The following UCKL1 variants were observed in gnomAD, a reference collection of about 807,000 sequenced individuals.
The protein encoded by UCKL1 is uridine-cytidine kinase 1 like 1.
In UCKL1, 65 loss-of-function variants were observed where a neutral mutation model predicts 59.2. The observed-to-expected ratio is 1.10, with a 90% CI of 0.90 to 1.35. UCKL1 has a LOEUF of 1.35. Ranked by LOEUF, UCKL1 falls within the 40% of genes most tolerant of loss-of-function variation. The pLI is 0.00. For synonymous variants in UCKL1, 410 were observed against 323.1 expected (o/e 1.27, Z -2.88); for missense variants, 703 against 784.3 (o/e 0.90, Z 1.24).
intron 1 of UCKL1, chr20:63,951,315 CT>C (rs2057550990): frequency 1.7e-6 from 1 of 583,630 alleles, no homozygotes; most frequent in Non-Finnish European, 2.2e-6. Context: ...TTCGGCCAGC[CT>C]AGGACCGCAG....
chr20:63,950,626 C>G, intron 1 of UCKL1: 1 of 1,077,234 alleles, frequency 9.3e-7, no homozygotes, highest in South Asian at 2.2e-5. Context: ...GGGCTCTGCC[C>G]GGTGCCCGAG....
intron 11 of UCKL1, 23 bp from the exon 12 acceptor site, chr20:63,940,739 G>A (rs1201347381): frequency 3.1e-6 from 5 of 1,606,518 alleles, no homozygotes; most frequent in East Asian, 2.2e-5. Flanking sequence ...GAGGCTAAGC[G>A]CCCACATCCC....
chr20:63,940,932 G>C lies in UCKL1; in HGVS notation c.1116+18C>G. 1 of 1,518,844 alleles carries C rather than the reference G, an allele frequency of 6.6e-7. No homozygotes were observed. The highest frequency in any genetic ancestry group is 8.8e-7 in the Non-Finnish European group (1 of 1,132,730). The allele number at this position is 1,518,844 out of a possible 1,614,324, so 94.1% of individuals were successfully genotyped here. Reference sequence around the variant, plus strand: ...CTCCAAGACCCACCCTCCACCTCGCGGGCTACGGGCTACGAACCTGAAAGG... The same window carrying C: ...CTCCAAGACCCACCCTCCACCTCGCCGGCTACGGGCTACGAACCTGAAAGG... On this transcript the variant is annotated intron_variant, in intron 10 of 14. Transcript: ENST00000354216.
chr20:63,946,687 C>T lies in UCKL1; in HGVS notation c.114-44G>A, dbSNP rs578142197. 15 of 1,578,766 alleles carry T rather than the reference C, an allele frequency of 9.5e-6. No homozygotes were observed. The Admixed American group carries it at 2.3e-4, about 24-fold the overall frequency. ...TCGGATGTGGCCCAGAGCTGCCCAC[C>T]TCCCAGGTACCCGCTGGCATGGCCG... On this transcript the variant is annotated intron_variant, in intron 1 of 14. Transcript: ENST00000354216.
At chr20:63,945,548 C>A in intron 5 of UCKL1, 103 bp downstream of exon 5, 1 of 1,231,092 alleles carries the variant, frequency 8.1e-7, no homozygotes, top group Non-Finnish European at 1.2e-6. Flanking sequence ...TAGGCCTATA[C>A]AGTGTGGAGG....
At chr20:63,947,878 C>T (rs1345196388) in intron 1 of UCKL1, among the ~76,000 whole-genome samples, 1 of 152,256 alleles carries the variant, frequency 6.6e-6, no homozygotes, top group Non-Finnish European at 1.5e-5. Context: ...CACTCAGGCG[C>T]CTGCCAACTT....
At chr20:63,944,844 A>G in intron 5 of UCKL1, 110 bp from the exon 6 acceptor site, 1 of 1,368,386 alleles carries the variant, frequency 7.3e-7, no homozygotes, top group South Asian at 1.4e-5. Flanking sequence ...GGCCAGAGCC[A>G]CTTCCCCAGG....
At chr20:63,947,519 A>G (rs1028363894) in intron 1 of UCKL1, among the ~76,000 whole-genome samples, 3 of 152,216 alleles carry the variant, frequency 2.0e-5, no homozygotes, top group Non-Finnish European at 4.4e-5. Flanking sequence ...GGGCTCAGGG[A>G]GAGAGGCAGA....
chr20:63,943,858 T>TGGGGCAATCAGAGCCAGGACCC (rs1303083077), intron 7 of UCKL1, among the ~76,000 whole-genome samples, 189 bp from the exon 8 acceptor site: 1 of 152,190 alleles, frequency 6.6e-6, no homozygotes, highest in East Asian at 1.9e-4. Context: ...AGTTCTGCGT[T>TGGGGCAATCAGAGCCAGGACCC]GGGGCAATCA....
At chr20:63,956,156 TG>T (rs1280738496) in intron 1 of UCKL1, 103 bp downstream of exon 1, 4 of 1,071,774 alleles carry the variant, frequency 3.7e-6, no homozygotes, top group Middle Eastern at 3.2e-4. Context: ...CCTCCGGGAG[TG>T]GGGGACTTGG....
intron 7 of UCKL1, among the ~76,000 whole-genome samples, chr20:63,944,021 CCT>C (rs1020468803): frequency 8.5e-5 from 13 of 152,298 alleles, no homozygotes; most frequent in Admixed American, 6.5e-4. Flanking sequence ...GGGGTGACCC[CCT>C]GAGAAAGAGA....
intron 7 of UCKL1, among the ~76,000 whole-genome samples, chr20:63,944,120 G>A (rs1024002371): frequency 2.6e-5 from 4 of 152,238 alleles, no homozygotes; most frequent in African/African-American, 7.2e-5. Flanking sequence ...AGCTCAGGCT[G>A]GGTGTGCTGA....
chr20:63,956,307 G>T lies in UCKL1; in HGVS notation c.66C>A (p.Asp22Glu). The T allele has an allele frequency of 1.3e-6, 2 of 1,558,586 alleles. No homozygotes were observed. Among genetic ancestry groups the T allele is most frequent in the Non-Finnish European group, 1.7e-6 (2 of 1,156,574 alleles). Residue 22 changes from aspartate (D) to glutamate (E), a missense_variant, in exon 1 of 15, where the codon GAC (aspartate) becomes GAA (glutamate). Asp to Glu is a conservative substitution (Grantham distance 45). This residue lies in a region of UCKL1 where 398 missense variants were observed against 373.0 expected (regional missense o/e 1.07). Coordinates refer to ENST00000354216, the MANE Select transcript of UCKL1 (RefSeq NM_017859.4). Reference protein sequence around the residue: ...PSPTSPPTARDTPGRQAEKSE... With the variant: ...PSPTSPPTARETPGRQAEKSE... ...TTTTCTCAGCCTGCCGGCCTGGTGT[G>T]TCTCGGGCCGTAGGTGGCGACGTGG...
intron 2 of UCKL1, 69 bp from the exon 3 acceptor site, chr20:63,946,336 G>A (rs1227577729): frequency 2.6e-6 from 4 of 1,534,176 alleles, no homozygotes; most frequent in Non-Finnish European, 3.5e-6. Context: ...TCCCAGAGGT[G>A]CCCATCCCGC....
rs1247825945 is a variant in UCKL1 at position 63,939,992 on chromosome 20, A to T, written c.1631T>A (p.Val544Glu). 26 of 1,560,534 alleles carry T rather than the reference A, an allele frequency of 1.7e-5. No individual in the cohort carries two copies. Among genetic ancestry groups the T allele is most frequent in the Non-Finnish European group, 2.3e-5 (26 of 1,149,942 alleles). The change falls in exon 15 of 15, where the codon GTG (valine) becomes GAG (glutamate). Residue 544 changes from valine to glutamate, a missense_variant. Around this residue, in one of 4 missense-constraint regions of UCKL1, gnomAD observed 124 missense variants for 161.1 expected, o/e 0.77. Transcript: ENST00000354216. Reference protein sequence around the residue: ...AVPDGSDEEEVAYTG With the variant: ...AVPDGSDEEEEAYTG ...ACTGGGCAGCTAACCCGTGTAGGCC[A>T]CTTCCTCCTCGTCACTGCCATCGGG...
rs1287131136 is a variant in UCKL1, at chr20:63,940,513, G to A, written c.1303-28C>T. ...GCGGGCAGCAGGGGTCAGGCTGCAG[G>A]TGGGGCTCCCTGCGTCCCCTTGCTG... On this transcript the variant is annotated intron_variant, in intron 12 of 14. Coordinates refer to ENST00000354216, the MANE Select transcript of UCKL1 (RefSeq NM_017859.4). The A allele has an allele frequency of 3.1e-6, 5 of 1,606,656 alleles. No homozygotes were observed. The African/African-American group carries it at 4.0e-5, about 13-fold the overall frequency.
intron 1 of UCKL1, among the ~76,000 whole-genome samples, chr20:63,947,248 C>T (rs971911269): frequency 1.3e-5 from 2 of 152,232 alleles, no homozygotes; most frequent in African/African-American, 2.4e-5. Flanking sequence ...GGGCCATGCT[C>T]ATCCTGCTGT....
At chr20:63,951,590 C>T (rs1022601542) in intron 1 of UCKL1, among the ~76,000 whole-genome samples, 2 of 152,214 alleles carry the variant, frequency 1.3e-5, no homozygotes, top group Admixed American at 6.5e-5. Flanking sequence ...CCTTGCCCTA[C>T]CCCCACTCAC....
chr20:63,953,500 A>G (rs2058026736), intron 1 of UCKL1: 1 of 152,192 alleles, frequency 6.6e-6, no homozygotes, highest in Non-Finnish European at 1.5e-5. Flanking sequence ...CAGGAGTTCA[A>G]GACCAGCCTG....
Sources: gnomAD v4.1 joint callset for allele counts (sites outside exome capture counted in the v4.1 genomes callset) on GRCh38, gnomAD v4.1.1 for gene constraint, gnomAD v4.1.1 regional missense constraint, MANE v1.5 for transcripts, NCBI Gene and HGNC (gene_info 2026-07-23, HGNC 2026-07-21) for gene names.